ERC1: variants seen among roughly 807,000 people sequenced by gnomAD.
ERC1 encodes the protein RAB6 interacting protein 2.
In ERC1, 56 loss-of-function variants were observed where a neutral mutation model predicts 132.0. That is an observed-to-expected ratio of 0.42 (90% CI 0.34 to 0.53). The LOEUF is 0.53. Among genes scored for constraint, ERC1 ranks in the 20% least tolerant of loss-of-function variants. The pLI is 0.03. For missense variants in ERC1, 1,202 were observed against 1,349.9 expected, an observed-to-expected ratio of 0.89 and a Z score of 1.72; for synonymous variants, 478 against 476.1, an observed-to-expected ratio of 1.00 and a Z score of -0.05.
At chr12:1,178,921 G>A (rs1365415701) in intron 8 of ERC1, among the ~76,000 whole-genome samples, 1 of 152,174 alleles carries the variant, frequency 6.6e-6, no homozygotes, top group Non-Finnish European at 1.5e-5. Flanking sequence ...CTGGAAAAGT[G>A]CCTGATCTAT....
At chr12:1,282,979 C>CA (rs2078787657) in intron 14 of ERC1, among the ~76,000 whole-genome samples, 5 of 152,126 alleles carry the variant, frequency 3.3e-5, no homozygotes, top group Admixed American at 3.3e-4. Context: ...TTGGAAACTA[C>CA]AAAAAGTGTT....
At chr12:1,149,585 G>C (rs530805302) in intron 8 of ERC1, among the ~76,000 whole-genome samples, 1 of 152,148 alleles carries the variant, frequency 6.6e-6, no homozygotes, top group East Asian at 1.9e-4. Flanking sequence ...TTTTTGTAGA[G>C]ATGGGGTTTC....
At chr12:1,161,259 A>G (rs1029651840) in intron 8 of ERC1, among the ~76,000 whole-genome samples, 5 of 152,276 alleles carry the variant, frequency 3.3e-5, no homozygotes, top group Non-Finnish European at 5.9e-5. Flanking sequence ...TTAGCCCTGT[A>G]TGAAAGGAGT....
At chr12:1,437,597 G>C (rs879436495) in intron 17 of ERC1, among the ~76,000 whole-genome samples, 6 of 152,330 alleles carry the variant, frequency 3.9e-5, no homozygotes, top group Middle Eastern at 3.4e-3. Context: ...TAAGGTAAAA[G>C]AGATGTTAAC....
intron 15 of ERC1, among the ~76,000 whole-genome samples, chr12:1,361,044 G>T (rs2086045239): frequency 6.7e-6 from 1 of 149,892 alleles, no homozygotes; most frequent in African/African-American, 2.5e-5. Context: ...GCAGTTGTTG[G>T]CTATGATCTC....
intron 2 of ERC1, among the ~76,000 whole-genome samples, chr12:1,056,302 C>T (rs781237565): frequency 6.6e-6 from 1 of 152,018 alleles, no homozygotes; most frequent in Non-Finnish European, 1.5e-5. Context: ...GAAGAAGTGT[C>T]GTTGTCTGTC....
chr12:1,337,739 T>A (rs1328166467), intron 15 of ERC1, among the ~76,000 whole-genome samples: 1 of 152,248 alleles, frequency 6.6e-6, no homozygotes, highest in African/African-American at 2.4e-5. Context: ...GGTTTGATAG[T>A]AATGAATTTC....
At chr12:1,466,377 CTT>C (rs2093743918) in intron 18 of ERC1, among the ~76,000 whole-genome samples, 1 of 152,162 alleles carries the variant, frequency 6.6e-6, no homozygotes, top group Non-Finnish European at 1.5e-5. Flanking sequence ...CTCATTTTAA[CTT>C]AATCGCCTCT....
chr12:1,120,425 A>C (rs1235534556), intron 7 of ERC1, among the ~76,000 whole-genome samples: 5 of 152,164 alleles, frequency 3.3e-5, no homozygotes, highest in Non-Finnish European at 5.9e-5. Flanking sequence ...CAAGATAATT[A>C]TTGTTGTTTT....
intron 12 of ERC1, among the ~76,000 whole-genome samples, chr12:1,220,005 T>C (rs1370698536): frequency 6.6e-6 from 1 of 152,200 alleles, no homozygotes; most frequent in Admixed American, 6.5e-5. Flanking sequence ...GCCACCCCTG[T>C]AACCCCACCA....
At chr12:1,124,207 G>A (rs1165561112) in intron 7 of ERC1, among the ~76,000 whole-genome samples, 2 of 152,086 alleles carry the variant, frequency 1.3e-5, no homozygotes, top group African/African-American at 4.8e-5. Flanking sequence ...CTGAACAGTC[G>A]TAAAAACTAA....
At chr12:1,172,096 AGT>A (rs1456235552) in intron 8 of ERC1, among the ~76,000 whole-genome samples, 100 of 152,344 alleles carry the variant, frequency 6.6e-4, no homozygotes, top group African/African-American at 2.3e-3. Flanking sequence ...TTTCCACCCT[AGT>A]AAACAGAACT....
chr12:1,412,551 G>A (rs2091906492), intron 17 of ERC1, among the ~76,000 whole-genome samples: 4 of 152,158 alleles, frequency 2.6e-5, no homozygotes, highest in Admixed American at 2.6e-4. Context: ...ACGTCATTGC[G>A]CTGTACTTCA....
At chr12:1,440,370 A>C (rs1167077913) in intron 17 of ERC1, among the ~76,000 whole-genome samples, 32 of 148,794 alleles carry the variant, frequency 2.2e-4, no homozygotes, top group Admixed American at 8.0e-4. Flanking sequence ...ACGCCCGGCT[A>C]ATTTTTTTTG....
chr12:1,447,441 G>A (rs948579419), intron 18 of ERC1, among the ~76,000 whole-genome samples: 2 of 151,038 alleles, frequency 1.3e-5, no homozygotes, highest in East Asian at 2.0e-4. Flanking sequence ...GCTTGATCCC[G>A]GGCAGTCGTG....
At chr12:1,308,588 A>T (rs1164710787) in intron 15 of ERC1, among the ~76,000 whole-genome samples, 1 of 152,198 alleles carries the variant, frequency 6.6e-6, no homozygotes, top group African/African-American at 2.4e-5. Context: ...AACAGTTCCT[A>T]ACAGTTTGTT....
At chr12:1,315,897 AT>A (rs1470031394) in intron 15 of ERC1, among the ~76,000 whole-genome samples, 57 of 135,502 alleles carry the variant, frequency 4.2e-4, no homozygotes, top group East Asian at 8.2e-4. Context: ...AATGGTAAAC[AT>A]TTTTTTTTTT....
chr12:1,364,553 T>A (rs2086473335), intron 15 of ERC1, among the ~76,000 whole-genome samples: 1 of 152,178 alleles, frequency 6.6e-6, no homozygotes, highest in Admixed American at 6.6e-5. Flanking sequence ...CTGTAGACAC[T>A]CTCTAATCCA....
intron 17 of ERC1, among the ~76,000 whole-genome samples, chr12:1,411,333 A>G (rs563202290): frequency 2.5e-4 from 38 of 152,316 alleles, no homozygotes; most frequent in Admixed American, 2.2e-3. Context: ...GCCCATGCCT[A>G]TCAGTGATCT....
Sources: gnomAD v4.1 joint callset for allele counts (sites outside exome capture counted in the v4.1 genomes callset) on GRCh38, gnomAD v4.1.1 for gene constraint, MANE v1.5 for transcripts, NCBI Gene and HGNC (gene_info 2026-07-23, HGNC 2026-07-21) for gene names.